The following CIMIP7 variants were observed in gnomAD, a reference collection of about 807,000 sequenced individuals.
The protein encoded by CIMIP7 is uncharacterized protein C3orf84.
the CIMIP7 span, among the ~76,000 whole-genome samples, chr3:49,181,296 C>T: frequency 2.1e-5 from 3 of 145,846 alleles, no homozygotes; most frequent in Admixed American, 1.4e-4. Flanking sequence ...GAGCCGAGAT[C>T]TCACCACTGC....
At chr3:49,178,005 C>T in the CIMIP7 span, 14 of 1,611,420 alleles carry the variant, frequency 8.7e-6, no homozygotes, top group Admixed American at 8.3e-5. Context: ...GCCACAGGCG[C>T]TCCAGGTCCT....
At chr3:49,182,155 A>G in the CIMIP7 span, among the ~76,000 whole-genome samples, 1 of 152,176 alleles carries the variant, frequency 6.6e-6, no homozygotes, top group African/African-American at 2.4e-5. Context: ...AGCAAGATTT[A>G]TTGCAAGGAG....
At chr3:49,179,005 A>G in the CIMIP7 span, among the ~76,000 whole-genome samples, 2 of 152,178 alleles carry the variant, frequency 1.3e-5, no homozygotes, top group African/African-American at 4.8e-5. Flanking sequence ...GGTTCAGTAG[A>G]CAACTGCCTA....
the CIMIP7 span, chr3:49,191,696 G>A: frequency 6.3e-7 from 1 of 1,583,642 alleles, no homozygotes; most frequent in Non-Finnish European, 8.6e-7. Flanking sequence ...CAGATTTCAG[G>A]TACAACCAGA....
chr3:49,178,930 T>C, the CIMIP7 span, among the ~76,000 whole-genome samples: 1 of 152,188 alleles, frequency 6.6e-6, no homozygotes, highest in Non-Finnish European at 1.5e-5. Context: ...CCCAGCCTCT[T>C]GGCTCTAAAT....
the CIMIP7 span, among the ~76,000 whole-genome samples, chr3:49,183,469 G>A: frequency 6.6e-6 from 1 of 152,210 alleles, no homozygotes; most frequent in South Asian, 2.1e-4. Flanking sequence ...ATAACCTGAG[G>A]TCAGGAGTTC....
At chr3:49,179,944 C>T in the CIMIP7 span, among the ~76,000 whole-genome samples, 11 of 152,016 alleles carry the variant, frequency 7.2e-5, no homozygotes, top group Non-Finnish European at 1.5e-4. Context: ...TTGAGACCAG[C>T]CTGGCCAACA....
chr3:49,187,572 A>G, the CIMIP7 span, among the ~76,000 whole-genome samples: 1 of 152,190 alleles, frequency 6.6e-6, no homozygotes, highest in Non-Finnish European at 1.5e-5. Flanking sequence ...TATATTTCCC[A>G]AGAATCAGGC....
At chr3:49,188,884 G>GCCTC in the CIMIP7 span, among the ~76,000 whole-genome samples, 1 of 151,924 alleles carries the variant, frequency 6.6e-6, no homozygotes, top group Non-Finnish European at 1.5e-5. Context: ...TGCAACTTCT[G>GCCTC]CCTCCCAGGT....
At chr3:49,182,442 T>C in the CIMIP7 span, among the ~76,000 whole-genome samples, 24 of 152,152 alleles carry the variant, frequency 1.6e-4, no homozygotes, top group Admixed American at 6.6e-4. Context: ...AGAATGTCAA[T>C]TGGTGCATTC....
chr3:49,180,640 C>A, the CIMIP7 span, among the ~76,000 whole-genome samples: 2 of 149,846 alleles, frequency 1.3e-5, no homozygotes, highest in Non-Finnish European at 3.0e-5. Context: ...TTTAAGAGTT[C>A]CCTTTTTAGG....
the CIMIP7 span, among the ~76,000 whole-genome samples, chr3:49,183,250 T>C: frequency 6.6e-6 from 1 of 152,194 alleles, no homozygotes; most frequent in Admixed American, 6.5e-5. Flanking sequence ...TACACATCTA[T>C]CAGAATGGCT....
At chr3:49,180,014 T>C in the CIMIP7 span, among the ~76,000 whole-genome samples, 1 of 152,180 alleles carries the variant, frequency 6.6e-6, no homozygotes, top group African/African-American at 2.4e-5. Flanking sequence ...GGCTCATGCC[T>C]GTAATCCCAG....
At chr3:49,190,230 C>A in the CIMIP7 span, 5 of 824,172 alleles carry the variant, frequency 6.1e-6, no homozygotes, top group Admixed American at 1.2e-4. Flanking sequence ...CCAGGAAAGC[C>A]AGACCAGAAG....
At chr3:49,178,680 A>G in the CIMIP7 span, 1 of 666,412 alleles carries the variant, frequency 1.5e-6, no homozygotes, top group Admixed American at 2.3e-5. Flanking sequence ...GCCAACAGAC[A>G]GAGGGCAGAG....
At chr3:49,178,336 A>G in the CIMIP7 span, 2 of 756,916 alleles carry the variant, frequency 2.6e-6, no homozygotes, top group Non-Finnish European at 4.4e-6. Flanking sequence ...CCCAGAGGAG[A>G]AAGTTTGTGG....
At chr3:49,188,450 G>T in the CIMIP7 span, among the ~76,000 whole-genome samples, 8 of 152,250 alleles carry the variant, frequency 5.3e-5, no homozygotes, top group East Asian at 1.5e-3. Flanking sequence ...CTTTGTTCTG[G>T]CCACCAGGGA....
the CIMIP7 span, among the ~76,000 whole-genome samples, chr3:49,184,626 ATT>A: frequency 0.018 from 2,449 of 133,538 alleles, 61 homozygotes; most frequent in African/African-American, 0.062. Context: ...GGCCTATGTA[ATT>A]TTTTTTTTTT....
chr3:49,183,014 C>T, the CIMIP7 span, among the ~76,000 whole-genome samples: 4 of 152,146 alleles, frequency 2.6e-5, no homozygotes, highest in Admixed American at 6.5e-5. Flanking sequence ...TACCTCCCCG[C>T]GAGCTGAGGG....
Sources: gnomAD v4.1 joint callset for allele counts (sites outside exome capture counted in the v4.1 genomes callset) on GRCh38, gnomAD v4.1.1 for gene constraint, MANE v1.5 for transcripts, NCBI Gene and HGNC (gene_info 2026-07-23, HGNC 2026-07-21) for gene names.